AFG2A: variants seen among roughly 807,000 people sequenced by gnomAD.
AFG2A encodes AAA ATPase AFG2A.
chr4:123,157,110 G>C, the AFG2A span, among the ~76,000 whole-genome samples: 1 of 151,850 alleles, frequency 6.6e-6, no homozygotes, highest in African/African-American at 2.4e-5. Flanking sequence ...CCACCTCCCA[G>C]GTTCAAGCAA....
chr4:123,196,484 A>C, the AFG2A span, among the ~76,000 whole-genome samples: 1 of 152,178 alleles, frequency 6.6e-6, no homozygotes, highest in Non-Finnish European at 1.5e-5. Context: ...GGATTATTTA[A>C]ATACTAAGTG....
the AFG2A span, among the ~76,000 whole-genome samples, chr4:123,197,625 C>T: frequency 4.6e-5 from 7 of 151,834 alleles, no homozygotes; most frequent in Non-Finnish European, 1.0e-4. Context: ...AAAAATTAGC[C>T]GGGCACAGTG....
the AFG2A span, among the ~76,000 whole-genome samples, chr4:123,276,834 G>C: frequency 3.3e-5 from 5 of 152,086 alleles, no homozygotes; most frequent in African/African-American, 7.2e-5. Context: ...CTGTTCATTG[G>C]TCTATGTTTC....
chr4:123,048,720 T>C, the AFG2A span, among the ~76,000 whole-genome samples: 1 of 152,198 alleles, frequency 6.6e-6, no homozygotes, highest in Non-Finnish European at 1.5e-5. Context: ...ATGTTGATTG[T>C]GTATCTGGGA....
the AFG2A span, among the ~76,000 whole-genome samples, chr4:123,232,848 A>G: frequency 1.3e-5 from 2 of 152,030 alleles, no homozygotes; most frequent in Admixed American, 1.3e-4. Context: ...GTTAGGCAAA[A>G]TATTTTAAAA....
chr4:123,161,475 T>C, the AFG2A span, among the ~76,000 whole-genome samples: 1 of 152,108 alleles, frequency 6.6e-6, no homozygotes, highest in East Asian at 1.9e-4. Flanking sequence ...AGGAGAGGAA[T>C]AGGTAGTTAT....
At chr4:123,057,926 C>T in the AFG2A span, among the ~76,000 whole-genome samples, 1 of 152,028 alleles carries the variant, frequency 6.6e-6, no homozygotes, top group Non-Finnish European at 1.5e-5. Flanking sequence ...AATGTAAATT[C>T]ATGTACTTTG....
chr4:122,935,363 G>A, the AFG2A span, among the ~76,000 whole-genome samples: 2 of 151,992 alleles, frequency 1.3e-5, no homozygotes, highest in African/African-American at 4.8e-5. Flanking sequence ...ATGGTTAGTT[G>A]GAAAAAAACT....
At chr4:123,130,411 C>G in the AFG2A span, among the ~76,000 whole-genome samples, 1 of 152,208 alleles carries the variant, frequency 6.6e-6, no homozygotes, top group African/African-American at 2.4e-5. Context: ...TTTATTCTTG[C>G]AGCCACCACT....
chr4:122,980,432 T>G, the AFG2A span, among the ~76,000 whole-genome samples: 1 of 152,250 alleles, frequency 6.6e-6, no homozygotes, highest in Non-Finnish European at 1.5e-5. Context: ...ATTGATTCCC[T>G]ATCTTGGATG....
the AFG2A span, among the ~76,000 whole-genome samples, chr4:122,982,597 G>A: frequency 6.6e-6 from 1 of 152,142 alleles, no homozygotes; most frequent in African/African-American, 2.4e-5. Context: ...TGCTTGAGAA[G>A]CATAACTTCT....
At chr4:123,178,705 C>T in the AFG2A span, among the ~76,000 whole-genome samples, 91,819 of 152,028 alleles carry the variant, frequency 0.6, 28,848 homozygotes, top group Non-Finnish European at 0.68. Flanking sequence ...AAAAATTGGG[C>T]TGTTTTTTAT....
chr4:122,951,907 A>G, the AFG2A span, among the ~76,000 whole-genome samples: 42 of 152,290 alleles, frequency 2.8e-4, no homozygotes, highest in African/African-American at 1.0e-3. Flanking sequence ...AGACTATGTG[A>G]CAGTTGTTAC....
chr4:123,185,271 T>A, the AFG2A span, among the ~76,000 whole-genome samples: 1 of 152,140 alleles, frequency 6.6e-6, no homozygotes, highest in Non-Finnish European at 1.5e-5. Context: ...ATGAGGTAGA[T>A]GTTGTTATGC....
the AFG2A span, among the ~76,000 whole-genome samples, chr4:123,183,666 T>TAACA: frequency 1.3e-5 from 2 of 152,240 alleles, no homozygotes; most frequent in African/African-American, 4.8e-5. Flanking sequence ...ATTTCTAATC[T>TAACA]AACACAATAA....
the AFG2A span, among the ~76,000 whole-genome samples, chr4:122,930,105 G>C: frequency 6.6e-6 from 1 of 152,198 alleles, no homozygotes; most frequent in African/African-American, 2.4e-5. Context: ...TGCAAGCAAA[G>C]AACCTGATTG....
chr4:123,047,618 G>C, the AFG2A span, among the ~76,000 whole-genome samples: 1 of 151,404 alleles, frequency 6.6e-6, no homozygotes, highest in Non-Finnish European at 1.5e-5. Context: ...GTCTTGCCCA[G>C]ACCACTGTTG....
chr4:123,063,328 C>T, the AFG2A span, among the ~76,000 whole-genome samples: 2 of 152,136 alleles, frequency 1.3e-5, no homozygotes, highest in African/African-American at 4.8e-5. Context: ...AATTAGGAGG[C>T]ATTTCTATGT....
At chr4:123,161,686 GA>G in the AFG2A span, among the ~76,000 whole-genome samples, 1 of 152,030 alleles carries the variant, frequency 6.6e-6, no homozygotes, top group South Asian at 2.1e-4. Context: ...TTTCTGAATA[GA>G]AAAAAATACT....
Sources: allele counts gnomAD v4.1 joint callset (sites outside exome capture counted in the v4.1 genomes callset), GRCh38; gene constraint gnomAD v4.1.1; transcripts MANE v1.5; gene names NCBI Gene and HGNC (gene_info 2026-07-23, HGNC 2026-07-21).